The following SORCS1 variants were observed in gnomAD, a reference collection of about 807,000 sequenced individuals.
The protein encoded by SORCS1 is VPS10 domain-containing receptor SorCS1.
SORCS1 carries 60 observed loss-of-function variants against 146.1 expected under a neutral mutation model. That is an observed-to-expected ratio of 0.41 (90% CI 0.33 to 0.51). The LOEUF (loss-of-function observed/expected upper bound fraction) is 0.51, where lower values mean the gene tolerates loss of function less well. SORCS1 is among the 20% of genes least tolerant of loss of function. The pLI is 0.21. For synonymous variants in SORCS1, 637 were observed against 584.0 expected (o/e 1.09, Z -1.31); for missense variants, 1,352 against 1,487.6 (o/e 0.91, Z 1.50).
chr10:106,783,948 T>C (rs1256610229), intron 3 of SORCS1, among the ~76,000 whole-genome samples: 1 of 152,202 alleles, frequency 6.6e-6, no homozygotes, highest in Admixed American at 6.5e-5. Flanking sequence ...AGTGTAACTA[T>C]TTTCCTAATA....
intron 10 of SORCS1, among the ~76,000 whole-genome samples, chr10:106,686,614 T>C (rs1852863662): frequency 6.6e-6 from 1 of 152,178 alleles, no homozygotes; most frequent in African/African-American, 2.4e-5. Context: ...AGCTGCTACA[T>C]TTACTTACTC....
At chr10:106,584,555 AAAG>A (rs1275065076) in intron 24 of SORCS1, among the ~76,000 whole-genome samples, 1 of 152,246 alleles carries the variant, frequency 6.6e-6, no homozygotes, top group Non-Finnish European at 1.5e-5. Context: ...AGAATTATCC[AAAG>A]AAGGCTATTC....
chr10:107,035,202 C>T (rs1188291576), intron 1 of SORCS1, among the ~76,000 whole-genome samples: 2 of 135,452 alleles, frequency 1.5e-5, no homozygotes, highest in Admixed American at 8.6e-5. Context: ...GATGTGGAGA[C>T]TTATATTCTG....
Position 106,983,108 on chromosome 10 carries a change from T to TTATA in SORCS1, c.559-26532_559-26529dup, listed in dbSNP as rs142010793. ...TATTTCCTCATTATCTCAGAGGAGG[T>TTATA]TATATATATATATATTTCTATAAAT... On this transcript the variant is annotated intron_variant, in intron 1 of 25. Transcript: ENST00000263054. Among the ~76,000 whole-genome samples the TTATA allele has an allele frequency of 4.1e-5, 6 of 147,320 alleles. No individual in the cohort carries two copies. In the South Asian group the frequency reaches 1.3e-3, roughly 31 times the overall value.
intron 4 of SORCS1, 47 bp from the exon 5 acceptor site, chr10:106,761,708 A>G: frequency 6.8e-7 from 1 of 1,474,674 alleles, no homozygotes; most frequent in Non-Finnish European, 9.5e-7. Context: ...ATAGTACATC[A>G]AATACACAAA....
chr10:106,585,513 C>T (rs1845178090), intron 24 of SORCS1, among the ~76,000 whole-genome samples: 1 of 152,262 alleles, frequency 6.6e-6, no homozygotes, highest in Non-Finnish European at 1.5e-5. Flanking sequence ...TGTTAAACTA[C>T]CTAAAAGCAT....
At chr10:107,025,866 G>C (rs1370541877) in intron 1 of SORCS1, among the ~76,000 whole-genome samples, 1 of 152,196 alleles carries the variant, frequency 6.6e-6, no homozygotes, top group Non-Finnish European at 1.5e-5. Flanking sequence ...CCCACAAGTG[G>C]GAGGACCAGC....
rs535514615 is a variant in SORCS1, at chr10:107,018,433, G to T, written c.559-61853C>A. Among the ~76,000 whole-genome samples, 4 of 151,684 alleles carry T rather than the reference G, an allele frequency of 2.6e-5. No homozygotes were observed. In the South Asian group the frequency reaches 8.3e-4, roughly 32 times the overall value. ...GATCTCCTTACCTCGTGATCCACCC[G>T]CCTTGGCCTCCCAAAGTGCTAGGAT... On this transcript the variant is annotated intron_variant, in intron 1 of 25. Transcript: ENST00000263054.
upstream of SORCS1, among the ~76,000 whole-genome samples, chr10:107,168,118 C>T (rs979352141): frequency 1.9e-4 from 29 of 152,204 alleles, no homozygotes; most frequent in African/African-American, 7.0e-4. Flanking sequence ...CATCCTAATA[C>T]GCCAACCATT....
chr10:106,681,302 C>T (rs568200770), intron 10 of SORCS1, among the ~76,000 whole-genome samples: 12 of 152,298 alleles, frequency 7.9e-5, no homozygotes, highest in African/African-American at 2.6e-4. Flanking sequence ...GCCTATCAGG[C>T]TCTCCTCTCC....
intron 1 of SORCS1, among the ~76,000 whole-genome samples, chr10:107,150,917 C>A (rs141734747): frequency 1.2e-4 from 18 of 152,174 alleles, no homozygotes; most frequent in Non-Finnish European, 2.4e-4. Context: ...AAACCTCTTT[C>A]CTTTATAAAT....
chr10:107,150,384 T>C (rs72814913), intron 1 of SORCS1, among the ~76,000 whole-genome samples: 9,355 of 152,290 alleles, frequency 0.061, 317 homozygotes, highest in Non-Finnish European at 0.078. Flanking sequence ...AATGCATAAA[T>C]ACTACATGAA....
At chr10:106,827,425 C>T (rs1359327455) in intron 3 of SORCS1, among the ~76,000 whole-genome samples, 1 of 152,118 alleles carries the variant, frequency 6.6e-6, no homozygotes, top group Non-Finnish European at 1.5e-5. Flanking sequence ...AGGGATCTTT[C>T]AATTACAAAA....
At chr10:106,640,303 T>C (rs1245039749) in intron 18 of SORCS1, among the ~76,000 whole-genome samples, 1 of 152,194 alleles carries the variant, frequency 6.6e-6, no homozygotes, top group Admixed American at 6.5e-5. Flanking sequence ...TTACGGATCA[T>C]TGAAACCTGT....
At chr10:106,689,161 A>T (rs1473494131) in intron 9 of SORCS1, among the ~76,000 whole-genome samples, 1 of 152,184 alleles carries the variant, frequency 6.6e-6, no homozygotes, top group Non-Finnish European at 1.5e-5. Flanking sequence ...TGAAAATATG[A>T]TTGTCTCCTC....
At chr10:106,888,257 G>A (rs1478845738) in intron 2 of SORCS1, among the ~76,000 whole-genome samples, 2 of 152,152 alleles carry the variant, frequency 1.3e-5, no homozygotes, top group African/African-American at 4.8e-5. Context: ...TAAGTCTCAG[G>A]CCTTCTAACT....
intron 1 of SORCS1, among the ~76,000 whole-genome samples, chr10:107,145,089 A>G (rs1202203139): frequency 6.6e-6 from 1 of 152,206 alleles, no homozygotes; most frequent in Admixed American, 6.5e-5. Context: ...AAAAGCATTT[A>G]TATTTCTCTG....
chr10:106,668,760 G>A (rs1239946808), intron 16 of SORCS1, among the ~76,000 whole-genome samples: 1 of 152,164 alleles, frequency 6.6e-6, no homozygotes, highest in East Asian at 1.9e-4. Context: ...GCATGGGTAG[G>A]AAGACTTCAG....
chr10:106,791,123 T>C (rs2136514873), intron 3 of SORCS1, among the ~76,000 whole-genome samples: 1 of 152,370 alleles, frequency 6.6e-6, no homozygotes, highest in African/African-American at 2.4e-5. Context: ...GAGAAATTTA[T>C]ACAGCAAGAG....
Sources: allele counts gnomAD v4.1 joint callset (sites outside exome capture counted in the v4.1 genomes callset), GRCh38; gene constraint gnomAD v4.1.1; transcripts MANE v1.5; gene names NCBI Gene and HGNC (gene_info 2026-07-23, HGNC 2026-07-21).